UBQLNL: variants seen among roughly 807,000 people sequenced by gnomAD.
The protein encoded by UBQLNL is ubiquilin like.
For missense variants in UBQLNL, 589 were observed against 567.1 expected (o/e 1.04, Z -0.39); for synonymous variants, 223 against 209.7 (o/e 1.06, Z -0.55).
In UBQLNL at chr11:5,515,712, G is replaced by A. The variant is rs1446376283; in HGVS notation, c.730C>T (p.Pro244Ser). ...MIQEIMQIQQ[P>S]SQNLEYPLNP... ...AGTGGATACTCAAGGTTTTGTGAAG[G>A]TTGTTGGATCTGCATTATCTCTTGG... The change falls in exon 1 of 1, where the codon CCT becomes TCT. Residue 244 changes from proline to serine, a missense_variant. Physicochemically the swap from Pro to Ser is moderately conservative, Grantham distance 74 (BLOSUM62 -1). Transcript: ENST00000380184. 1.2e-6 allele frequency: 2 copies of A among 1,614,156 alleles called. No homozygotes were observed. The highest frequency in any genetic ancestry group is 1.1e-5 in the South Asian group (1 of 91,082).
rs139342517 is a variant in UBQLNL, at chr11:5,516,045, T to C, written c.397A>G (p.Ser133Gly). ...HRDRNTKGNS[S>G]RVHQPTGMNQ... ...ATACCAGTTGGTTGGTGCACTCTGC[T>C]GCTGTTTCCTTTGGTGTTTCTGTCC... is the stretch of plus-strand genomic sequence containing the variant. The change falls in exon 1 of 1, where the codon AGC becomes GGC. Residue 133 changes from serine to glycine, a missense_variant. Transcript: ENST00000380184. The C allele has an allele frequency of 7.4e-6, 12 of 1,614,032 alleles. No individual in the cohort carries two copies. The African/African-American group carries it at 1.6e-4, about 22-fold the overall frequency.
At position 5,516,328 on chromosome 11, in the gene UBQLNL, T is replaced by C. The variant is rs1453549309; in HGVS notation, c.114A>G (p.Ala38=). ...SSATRVIVKT[A]GNQKDFMVAD... ...CTACCATAAAGTCTTTCTGGTTGCC[T>C]GCAGTCTTCACTATCACTCGAGTGG... The change falls in exon 1 of 1, where the codon GCA becomes GCG. Residue 38 remains alanine (A), a synonymous_variant. Transcript: ENST00000380184. The C allele has an allele frequency of 1.1e-5, 18 of 1,614,076 alleles. No homozygotes were observed. Among genetic ancestry groups the C allele is most frequent in the Non-Finnish European group, 1.5e-5 (18 of 1,180,024 alleles).
chr11:5,515,611 G>A lies in UBQLNL; in HGVS notation c.831C>T (p.Ile277=), dbSNP rs577379163. Residue 277 remains isoleucine (I), a synonymous_variant, in exon 1 of 1, where the codon ATC becomes ATT. Coordinates refer to ENST00000380184, the MANE Select transcript of UBQLNL (RefSeq NM_145053.5). ...NNALGQNYAD[I]NDQMLNSMQD... ...GCATGCTGTTCAGCATTTGATCATT[G>A]ATATCAGCATAGTTCTGACCCAGGG... is the stretch of plus-strand genomic sequence containing the variant. The A allele has an allele frequency of 1.9e-6, 3 of 1,614,114 alleles. No individual in the cohort carries two copies. In the South Asian group the frequency reaches 3.3e-5, roughly 18 times the overall value.
rs534901523 is a variant in UBQLNL, at chr11:5,514,594, G to A, written c.*420C>T. ...AGCAAGCAAACAAGTAGGCATGGTG[G>A]TTAGAATCTCTGGGATCTCTTGAGC... On this transcript the variant is annotated 3_prime_UTR_variant, in exon 1 of 1. Transcript: ENST00000380184. The A allele has an allele frequency of 4.6e-5, 8 of 175,518 alleles. No homozygotes were observed. In the South Asian group the frequency reaches 1.2e-3, roughly 27 times the overall value. The allele number at this position is 175,518 out of a possible 1,614,324, so 10.9% of individuals were successfully genotyped here. A position where few individuals can be genotyped will look rare whatever the true frequency, so the allele number is the denominator to read the frequency against.
rs1044819918 is a variant in UBQLNL at position 5,516,119 on chromosome 11, G to A, written c.323C>T (p.Ser108Phe). Residue 108 changes from serine to phenylalanine, a missense_variant, in exon 1 of 1, where the codon TCT becomes TTT. By Grantham distance (155) the Ser-to-Phe change is radical (BLOSUM62 -2). Coordinates refer to ENST00000380184, the MANE Select transcript of UBQLNL (RefSeq NM_145053.5). ...LVIKSKQGSR[S>F]LAHSFRDLPT... ...CAGGTCCCGGAAGGAATGGGCTAGA[G>A]ATCTGGAGCCCTGCTTGGACTTGAT... 1 of 1,614,162 alleles carries A rather than the reference G, an allele frequency of 6.2e-7. No individual in the cohort carries two copies. The highest frequency in any genetic ancestry group is 1.7e-5 in the Admixed American group (1 of 60,026).
rs1309652263 is a variant in UBQLNL, at chr11:5,516,625, C to T, written c.-184G>A. The T allele has an allele frequency of 1.6e-6, 1 of 610,622 alleles. No homozygotes were observed. The highest frequency in any genetic ancestry group is 2.9e-6 in the Non-Finnish European group (1 of 339,084). 37.8% of individuals were successfully genotyped at this position (610,622 alleles called of 1,614,324 possible). On this transcript the variant is annotated 5_prime_UTR_variant, in exon 1 of 1. Coordinates refer to ENST00000380184, the MANE Select transcript of UBQLNL (RefSeq NM_145053.5). ...GCCAGATATTTTGTGATGTTGTGCC[C>T]TCACCCCAGTTCTCCAGATGTGGCC...
chr11:5,516,025 A>G lies in UBQLNL; in HGVS notation c.417T>C (p.Thr139=). 6.2e-7 allele frequency: 1 copy of G among 1,613,742 alleles called. No homozygotes were observed. ...KGNSSRVHQP[T]GMNQAPVELA... is the part of the protein sequence containing the mutation. ...GTTCCACTGGAGCTTGATTCATACC[A>G]GTTGGTTGGTGCACTCTGCTGCTGT... The change falls in exon 1 of 1, where the codon ACT becomes ACC. Residue 139 remains threonine, a synonymous_variant. Transcript: ENST00000380184.
In UBQLNL at chr11:5,515,510, G is replaced by T. The variant is rs1482061871; in HGVS notation, c.932C>A (p.Pro311Gln). ...QVLEQVQSSP[P>Q]PPPPSQEQQD... Reference sequence around the variant, plus strand: ...TTGTTCCTGTGATGGTGGTGGAGGTGGGGGTGAAGACTGGACTTGTTCTAG... The same window carrying T: ...TTGTTCCTGTGATGGTGGTGGAGGTTGGGGTGAAGACTGGACTTGTTCTAG... Residue 311 changes from proline (P) to glutamine (Q), a missense_variant, in exon 1 of 1, where the codon CCA (proline) becomes CAA (glutamine). Coordinates refer to ENST00000380184, the MANE Select transcript of UBQLNL (RefSeq NM_145053.5). 2 of 1,614,162 alleles carry T rather than the reference G, an allele frequency of 1.2e-6. No individual in the cohort carries two copies. Among genetic ancestry groups the T allele is most frequent in the Non-Finnish European group, 1.7e-6 (2 of 1,180,024 alleles).
rs1846511091 is a variant in UBQLNL, at chr11:5,515,166, T to G, written c.1276A>C (p.Thr426Pro). 6.2e-7 allele frequency: 1 copy of G among 1,614,226 alleles called. No individual in the cohort carries two copies. Among genetic ancestry groups the G allele is most frequent in the African/African-American group, 1.3e-5 (1 of 75,068 alleles). The part of the protein sequence containing the change: ...LSDEQSSSQI[T>P]GGMMQLLMNN... ...ATAAGCAACTGCATCATGCCTCCTG[T>G]GATCTGGGAGCTGCTCTGCTCATCT... The change falls in exon 1 of 1, where the codon ACA becomes CCA. Residue 426 changes from threonine (T) to proline (P), a missense_variant. Physicochemically the swap from Thr to Pro is conservative, Grantham distance 38. Coordinates refer to ENST00000380184, the MANE Select transcript of UBQLNL (RefSeq NM_145053.5).
In UBQLNL at chr11:5,516,542, T is replaced by C; in HGVS notation, c.-101A>G. The C allele has an allele frequency of 9.6e-7, 1 of 1,039,048 alleles. No homozygotes were observed. Among genetic ancestry groups the C allele is most frequent in the Non-Finnish European group, 1.4e-6 (1 of 695,224 alleles). The allele number at this position is 1,039,048 out of a possible 1,614,324, so 64.4% of individuals were successfully genotyped here. On this transcript the variant is annotated 5_prime_UTR_variant, in exon 1 of 1. Coordinates refer to ENST00000380184, the MANE Select transcript of UBQLNL (RefSeq NM_145053.5). ...CTGGCCTTTGTCTCAGGTATTGTGC[T>C]CTCAGGCCACAGGATAGTTTCCTTG...
rs1846505759 is a variant in UBQLNL at position 5,514,786 on chromosome 11, G to T, written c.*228C>A. 2 of 569,752 alleles carry T rather than the reference G, an allele frequency of 3.5e-6. No homozygotes were observed. The highest frequency in any genetic ancestry group is 1.9e-5 in the African/African-American group (1 of 53,634). The allele number at this position is 569,752 out of a possible 1,614,324, so 35.3% of individuals were successfully genotyped here. On this transcript the variant is annotated 3_prime_UTR_variant, in exon 1 of 1. Coordinates refer to ENST00000380184, the MANE Select transcript of UBQLNL (RefSeq NM_145053.5). ...TCCCCATCCGGGGATTGTAGCCTCT[G>T]CAGGACTGTTCCAGGCTTGTGGCAG... is the stretch of plus-strand genomic sequence containing the variant.
chr11:5,515,925 C>T lies in UBQLNL; in HGVS notation c.517G>A (p.Ala173Thr), dbSNP rs770990230. ...ATGCTAGGATTCTCCAGCATCTGTG[C>T]TTTGCACTCTGGGTGGCTCACTTCC... ...NLEVSHPECK[A>T]QMLENPSIQR... Residue 173 changes from alanine (A) to threonine (T), a missense_variant, in exon 1 of 1, where the codon GCA becomes ACA. By Grantham distance (58) the Ala-to-Thr change is moderately conservative. Coordinates refer to ENST00000380184, the MANE Select transcript of UBQLNL (RefSeq NM_145053.5). The T allele has an allele frequency of 1.2e-6, 2 of 1,613,994 alleles. No homozygotes were observed. The highest frequency in any genetic ancestry group is 2.7e-5 in the African/African-American group (2 of 74,932).
chr11:5,516,452 G>A lies in UBQLNL; in HGVS notation c.-11C>T. 6.2e-7 allele frequency: 1 copy of A among 1,607,842 alleles called. No homozygotes were observed. ...GATGGCATGCCACATGGGCTTTAGT[G>A]GGTGGGCAGATGGGGAGCAGGTGGA... On this transcript the variant is annotated 5_prime_UTR_variant, in exon 1 of 1. Coordinates refer to ENST00000380184, the MANE Select transcript of UBQLNL (RefSeq NM_145053.5).
At position 5,515,553 on chromosome 11, in the gene UBQLNL, G is replaced by T; in HGVS notation, c.889C>A (p.Leu297Ile). 6.2e-7 allele frequency: 1 copy of T among 1,614,168 alleles called. No individual in the cohort carries two copies. The highest frequency in any genetic ancestry group is 8.5e-7 in the Non-Finnish European group (1 of 1,180,028). ...TGTTCTAGCACTTGTCCTGCCAGGAGAGCTGTGAAAGGGTTTCCTCCAAAA... is the reference window on the plus strand; with the variant it reads ...TGTTCTAGCACTTGTCCTGCCAGGATAGCTGTGAAAGGGTTTCCTCCAAAA... ...DPFGGNPFTALLAGQVLEQVQ... is the reference protein window; with the variant it reads ...DPFGGNPFTAILAGQVLEQVQ... Residue 297 changes from leucine (L) to isoleucine (I), a missense_variant, in exon 1 of 1, where the codon CTC becomes ATC. Physicochemically the swap from Leu to Ile is conservative, Grantham distance 5 (BLOSUM62 2). Transcript: ENST00000380184.
At position 5,514,996 on chromosome 11, in the gene UBQLNL, G is replaced by A. The variant is rs1590040089; in HGVS notation, c.*18C>T. The A allele has an allele frequency of 3.1e-6, 5 of 1,603,308 alleles. No individual in the cohort carries two copies. Among genetic ancestry groups the A allele is most frequent in the Non-Finnish European group, 4.3e-6 (5 of 1,173,664 alleles). On this transcript the variant is annotated 3_prime_UTR_variant, in exon 1 of 1. Coordinates refer to ENST00000380184, the MANE Select transcript of UBQLNL (RefSeq NM_145053.5). The stretch of plus-strand genomic sequence containing the variant: ...GCCTGCTCAATCTGCAATATTGCTT[G>A]GAATGCTTTAGGGTTGCCTAAGCAC...
Position 5,515,315 on chromosome 11 carries a change from T to A in UBQLNL, c.1127A>T (p.Gln376Leu). The A allele has an allele frequency of 6.2e-7, 1 of 1,614,242 alleles. No homozygotes were observed. The highest frequency in any genetic ancestry group is 8.5e-7 in the Non-Finnish European group (1 of 1,180,042). Residue 376 changes from glutamine (Q) to leucine (L), a missense_variant, in exon 1 of 1, where the codon CAG (glutamine) becomes CTG (leucine). Transcript: ENST00000380184. ...AGGTAAGGCTGGTATCCAAGCTGGC[T>A]GCCGAGTGGCACAGATATGGCTCTG... ...KGQSHICATR[Q>L]PAWIPALPSI...
Position 5,515,021 on chromosome 11 carries a change from C to T in UBQLNL, c.1421G>A (p.Ser474Asn). 6.2e-7 allele frequency: 1 copy of T among 1,613,436 alleles called. No homozygotes were observed. Among genetic ancestry groups the T allele is most frequent in the Non-Finnish European group, 8.5e-7 (1 of 1,179,812 alleles). The change falls in exon 1 of 1, where the codon AGT becomes AAT. Residue 474 changes from serine to asparagine, a missense_variant. Physicochemically the swap from Ser to Asn is conservative, Grantham distance 46 (BLOSUM62 1). Transcript: ENST00000380184. ...GGAATGCTTTAGGGTTGCCTAAGCA[C>T]TAAGCAGATCAGAAATCTGTGTCTG... ...LQQTQISDLL[S>N]A
rs1473164709 is a variant in UBQLNL, at chr11:5,515,149, C to A, written c.1293G>T (p.Gln431His). 6.2e-7 allele frequency: 1 copy of A among 1,614,238 alleles called. No individual in the cohort carries two copies. The highest frequency in any genetic ancestry group is 8.5e-7 in the Non-Finnish European group (1 of 1,180,026). Reference sequence around the variant, plus strand: ...CCAGGTAGGGGTTGTTCATAAGCAACTGCATCATGCCTCCTGTGATCTGGG... The same window carrying A: ...CCAGGTAGGGGTTGTTCATAAGCAAATGCATCATGCCTCCTGTGATCTGGG... ...SSSQITGGMM[Q>H]LLMNNPYLAA... The change falls in exon 1 of 1, where the codon CAG (glutamine) becomes CAT (histidine). Residue 431 changes from glutamine to histidine, a missense_variant. By Grantham distance (24) the Gln-to-His change is conservative. Coordinates refer to ENST00000380184, the MANE Select transcript of UBQLNL (RefSeq NM_145053.5).
rs754264061 is a variant in UBQLNL, at chr11:5,515,084, C to A, written c.1358G>T (p.Ser453Ile). 2 of 1,614,228 alleles carry A rather than the reference C, an allele frequency of 1.2e-6. No homozygotes were observed. The highest frequency in any genetic ancestry group is 2.2e-5 in the South Asian group (2 of 91,086). ...GGGCAGCTGCTGCCTCCACTGTTCACTCAGCTGGGGCATACTTGTGAACAA... is the reference window on the plus strand; with the variant it reads ...GGGCAGCTGCTGCCTCCACTGTTCAATCAGCTGGGGCATACTTGTGAACAA... ...IMLFTSMPQL[S>I]EQWRQQLPTF... Residue 453 changes from serine to isoleucine, a missense_variant, in exon 1 of 1, where the codon AGT (serine) becomes ATT (isoleucine). Transcript: ENST00000380184.
Sources: gnomAD v4.1 joint callset for allele counts on GRCh38, gnomAD v4.1.1 for gene constraint, MANE v1.5 for transcripts, NCBI Gene and HGNC (gene_info 2026-07-23, HGNC 2026-07-21) for gene names.